TP73: variants seen among roughly 807,000 people sequenced by gnomAD.
TP73 encodes the protein tumor protein p73, also known as p53-like transcription factor.
Under a neutral mutation model 62.5 loss-of-function variants are expected in TP73, and 25 were observed. The observed-to-expected ratio is 0.40, with a 90% CI of 0.29 to 0.56. The LOEUF (loss-of-function observed/expected upper bound fraction) is 0.56, where lower values mean the gene tolerates loss of function less well. Ranked by LOEUF, TP73 falls within the 20% of genes least tolerant of loss-of-function variation. The probability of loss-of-function intolerance (pLI) is 0.46; values close to 1 mark genes in which losing one functional copy is unlikely to be tolerated. For synonymous variants in TP73, 423 were observed against 377.5 expected, an observed-to-expected ratio of 1.12 and a Z score of -1.40; for missense variants, 754 against 913.3, an observed-to-expected ratio of 0.83 and a Z score of 2.25.
rs964688766 is a variant in TP73 at position 3,696,001 on chromosome 1, C to A, written c.187-11548C>A. 3.9e-5 allele frequency among the ~76,000 whole-genome samples: 6 copies of A among 152,198 alleles called. No individual in the cohort carries two copies. Among genetic ancestry groups the A allele is most frequent in the African/African-American group, 9.7e-5 (4 of 41,448 alleles). On this transcript the variant is annotated intron_variant, in intron 3 of 13. Coordinates refer to ENST00000378295, the MANE Select transcript of TP73 (RefSeq NM_005427.4). The surrounding 1 kb of genome is among the most constrained non-coding windows in gnomAD (Gnocchi z 4.1). Reference sequence around the variant, plus strand: ...TGCAGCAGAGCAGGGGTGAAAACGCCGCGGTCGGCCGTGGCTGTGTTGGAG... The same window carrying A: ...TGCAGCAGAGCAGGGGTGAAAACGCAGCGGTCGGCCGTGGCTGTGTTGGAG...
At chr1:3,707,036 G>A (rs961336936) in intron 3 of TP73, among the ~76,000 whole-genome samples, 2 of 152,040 alleles carry the variant, frequency 1.3e-5, no homozygotes, top group Non-Finnish European at 2.9e-5. Flanking sequence ...GACCTAGTGA[G>A]AGCCCGGATC....
intron 1 of TP73, among the ~76,000 whole-genome samples, chr1:3,673,916 G>A (rs970525572): frequency 8.5e-5 from 13 of 152,136 alleles, no homozygotes; most frequent in Non-Finnish European, 1.8e-4. Context: ...AGCCGGGCCC[G>A]TGCCTCCCTT....
rs551003556 is a variant in TP73 at position 3,699,653 on chromosome 1, G to A, written c.187-7896G>A. Among the ~76,000 whole-genome samples the A allele has an allele frequency of 5.3e-5, 8 of 152,348 alleles. No homozygotes were observed. Among genetic ancestry groups the A allele is most frequent in the Non-Finnish European group, 8.8e-5 (6 of 68,040 alleles). On this transcript the variant is annotated intron_variant, in intron 3 of 13. Coordinates refer to ENST00000378295, the MANE Select transcript of TP73 (RefSeq NM_005427.4). This position sits in a 1 kb window ranked among gnomAD's most constrained non-coding sequence, Gnocchi z 4.1. ...ATGAAGAAGAGCATGTCTCTGCCCC[G>A]TCTGGAGCTCCCGGTTCCTGTCCTA...
At chr1:3,692,526 A>T (rs1278187599) in intron 3 of TP73, among the ~76,000 whole-genome samples, 1 of 152,148 alleles carries the variant, frequency 6.6e-6, no homozygotes, top group East Asian at 1.9e-4. Context: ...ATCCACCAAC[A>T]CGTTGCTATT....
chr1:3,680,039 T>TCCTGTCTCTATC (rs904445675), intron 1 of TP73, among the ~76,000 whole-genome samples: 1 of 150,792 alleles, frequency 6.6e-6, no homozygotes, highest in African/African-American at 2.4e-5. Context: ...GTCTCTCTCT[T>TCCTGTCTCTATC]CCTGTCTCTA....
intron 5 of TP73, among the ~76,000 whole-genome samples, chr1:3,723,100 T>A (rs1219701464): frequency 2.2e-5 from 3 of 136,770 alleles, no homozygotes; most frequent in African/African-American, 8.5e-5. Flanking sequence ...CCTCTGCACC[T>A]AACAGGGGTG....
At chr1:3,690,537 G>A (rs1286714631) in intron 3 of TP73, 20 of 930,810 alleles carry the variant, frequency 2.1e-5, no homozygotes, top group South Asian at 1.2e-4. Flanking sequence ...TGGAGCCGGC[G>A]CTGACCGGCG....
At chr1:3,713,593 T>C (rs1179904365) in intron 4 of TP73, among the ~76,000 whole-genome samples, 2 of 152,054 alleles carry the variant, frequency 1.3e-5, no homozygotes, top group African/African-American at 4.8e-5. Context: ...TTTCTGAGAT[T>C]CCAAAAGTTG....
intron 4 of TP73, among the ~76,000 whole-genome samples, chr1:3,719,744 AG>A (rs1640902020): frequency 6.7e-6 from 1 of 149,948 alleles, no homozygotes; most frequent in Non-Finnish European, 1.5e-5. Context: ...GGTCACCTCC[AG>A]GGAAGCCAGA....
At position 3,705,456 on chromosome 1, in the gene TP73, G is replaced by A. The variant is rs752904434; in HGVS notation, c.187-2093G>A. ...TGCAGGGGGTCCCCGTTCCACTGGT[G>A]GGTGGGCTCCCCAGGTTGACAGCTC... On this transcript the variant is annotated intron_variant, in intron 3 of 13. Transcript: ENST00000378295. 9.8e-5 allele frequency among the ~76,000 whole-genome samples: 15 copies of A among 152,364 alleles called. No homozygotes were observed. The South Asian group carries it at 2.3e-3, about 23-fold the overall frequency.
chr1:3,691,041 C>G, intron 3 of TP73: 1 of 1,515,218 alleles, frequency 6.6e-7, no homozygotes, highest in Non-Finnish European at 8.9e-7. Context: ...TGCCTGCCTT[C>G]CTGGCCTGGA....
chr1:3,684,614 C>T (rs376148355), intron 3 of TP73, among the ~76,000 whole-genome samples: 1 of 151,898 alleles, frequency 6.6e-6, no homozygotes, highest in Non-Finnish European at 1.5e-5. Context: ...TTGCCTGTTC[C>T]GTCTCCATTG....
chr1:3,655,302 G>A (rs1483264698), intron 1 of TP73, among the ~76,000 whole-genome samples: 2 of 152,124 alleles, frequency 1.3e-5, no homozygotes, highest in Admixed American at 1.3e-4. Flanking sequence ...CAGGAGAATC[G>A]CTTGAACTTG....
intron 10 of TP73, 141 bp from the exon 11 acceptor site, chr1:3,729,859 G>A: frequency 8.1e-7 from 1 of 1,238,218 alleles, no homozygotes; most frequent in Non-Finnish European, 1.1e-6. Flanking sequence ...GTTGGGGACA[G>A]GGAGGCTGGG....
Position 3,729,898 on chromosome 1 carries a change from A to T in TP73, c.1197-102A>T, listed in dbSNP as rs577025916. 6.9e-5 allele frequency: 99 copies of T among 1,428,162 alleles called. No homozygotes were observed. The African/African-American group carries it at 1.3e-3, about 19-fold the overall frequency. 88.5% of individuals were successfully genotyped at this position (1,428,162 alleles called of 1,614,324 possible). ...GGATGAAGCCACTCTCTGACATCAG[A>T]GGCTCCACCCATTCGCAGCATGGGG... On this transcript the variant is annotated intron_variant, in intron 10 of 13. Transcript: ENST00000378295.
At chr1:3,659,633 T>C (rs10910004) in intron 1 of TP73, among the ~76,000 whole-genome samples, 27,820 of 152,112 alleles carry the variant, frequency 0.18, 2,655 homozygotes, top group Admixed American at 0.24. Flanking sequence ...TATATGTTCT[T>C]TCTACATCAC....
chr1:3,728,306 G>A (rs990598120), intron 9 of TP73, 89 bp downstream of exon 9: 5 of 1,384,522 alleles, frequency 3.6e-6, no homozygotes, highest in Non-Finnish European at 5.0e-6. Context: ...GAGGGACTCT[G>A]GAGACCATGG....
chr1:3,675,853 T>C (rs1418460808), intron 1 of TP73, among the ~76,000 whole-genome samples: 2 of 152,044 alleles, frequency 1.3e-5, no homozygotes, highest in Non-Finnish European at 2.9e-5. Context: ...TGTGGGCCCA[T>C]GGCCAAGGAA....
intron 1 of TP73, among the ~76,000 whole-genome samples, chr1:3,660,261 TCA>T (rs1164549099): frequency 1.3e-5 from 2 of 152,338 alleles, no homozygotes; most frequent in South Asian, 2.1e-4. Context: ...TGCCAAAAAA[TCA>T]CAGTCTTTCC....
Sources: gnomAD v4.1 joint callset for allele counts (sites outside exome capture counted in the v4.1 genomes callset) on GRCh38, gnomAD v4.1.1 for gene constraint, Gnocchi (gnomAD v3.1) non-coding constraint, MANE v1.5 for transcripts, NCBI Gene and HGNC (gene_info 2026-07-23, HGNC 2026-07-21) for gene names.